GABRB1: variants seen among roughly 807,000 people sequenced by gnomAD.
GABRB1 encodes the protein gamma-aminobutyric acid receptor subunit beta-1.
GABRB1 carries 17 observed loss-of-function variants against 51.6 expected under a neutral mutation model. That is an observed-to-expected ratio of 0.33 (90% CI 0.23 to 0.49). The LOEUF (loss-of-function observed/expected upper bound fraction) is 0.49. Ranked by LOEUF, GABRB1 falls within the 20% of genes least tolerant of loss-of-function variation. GABRB1 has a pLI of 0.99. For missense variants in GABRB1, 410 were observed against 600.6 expected, an observed-to-expected ratio of 0.68 and a Z score of 3.32; for synonymous variants, 247 against 218.9, an observed-to-expected ratio of 1.13 and a Z score of -1.14.
intron 3 of GABRB1, among the ~76,000 whole-genome samples, chr4:47,112,659 C>T (rs1221322191): frequency 6.6e-6 from 1 of 152,022 alleles, no homozygotes; most frequent in Non-Finnish European, 1.5e-5. Context: ...GAGTTATGTA[C>T]CCAATATCCA....
chr4:47,082,579 T>A (rs1727894358), intron 3 of GABRB1, among the ~76,000 whole-genome samples: 1 of 152,048 alleles, frequency 6.6e-6, no homozygotes, highest in Non-Finnish European at 1.5e-5. Context: ...TGTCTGCCAT[T>A]TAGAGGAAAA....
chr4:47,051,077 G>A (rs1726329311), intron 3 of GABRB1, among the ~76,000 whole-genome samples: 1 of 152,122 alleles, frequency 6.6e-6, no homozygotes, highest in South Asian at 2.1e-4. Flanking sequence ...TCTTCCTCAG[G>A]AAGAGGGCAG....
At chr4:47,424,313 G>A (rs763024458) in intron 8 of GABRB1, among the ~76,000 whole-genome samples, 63 of 152,300 alleles carry the variant, frequency 4.1e-4, no homozygotes, top group African/African-American at 1.4e-3. Flanking sequence ...ATTGTTAACC[G>A]TTCTAAATCT....
intron 3 of GABRB1, among the ~76,000 whole-genome samples, chr4:47,076,523 G>A (rs1159500344): frequency 6.6e-6 from 1 of 152,072 alleles, no homozygotes; most frequent in Non-Finnish European, 1.5e-5. Context: ...TCATCCCAAA[G>A]CGGCTCTGAG....
chr4:47,144,575 C>T (rs1717073430), intron 3 of GABRB1, among the ~76,000 whole-genome samples: 1 of 151,850 alleles, frequency 6.6e-6, no homozygotes, highest in Non-Finnish European at 1.5e-5. Context: ...GTGTTAAGCT[C>T]TTTATTACAT....
intron 3 of GABRB1, among the ~76,000 whole-genome samples, chr4:47,137,730 T>A (rs35452427): frequency 4.9e-4 from 75 of 152,254 alleles, no homozygotes; most frequent in Non-Finnish European, 9.6e-4. Flanking sequence ...GACAAGAATT[T>A]AAGATATTTG....
chr4:47,019,625 C>CTCTTTCTT (rs1157555893), intron 1 of GABRB1, among the ~76,000 whole-genome samples: 7,573 of 90,986 alleles, frequency 0.083, 427 homozygotes, highest in Admixed American at 0.12. Flanking sequence ...TTCTTTCTCT[C>CTCTTTCTT]TCTTTCTTTC....
intron 4 of GABRB1, among the ~76,000 whole-genome samples, chr4:47,180,058 G>A (rs1245859216): frequency 6.6e-6 from 1 of 152,016 alleles, no homozygotes; most frequent in Non-Finnish European, 1.5e-5. Flanking sequence ...AAAAAATTAA[G>A]AGGATGTCAA....
At chr4:47,174,035 G>A (rs550540909) in intron 4 of GABRB1, among the ~76,000 whole-genome samples, 1 of 151,744 alleles carries the variant, frequency 6.6e-6, no homozygotes, top group Non-Finnish European at 1.5e-5. Flanking sequence ...CTGTTCAATT[G>A]TTCCCTTTTT....
At chr4:47,049,096 G>A (rs1459611345) in intron 3 of GABRB1, among the ~76,000 whole-genome samples, 1 of 151,612 alleles carries the variant, frequency 6.6e-6, no homozygotes, top group African/African-American at 2.4e-5. Context: ...CCAGAGGAGG[G>A]AGTTTTTCGG....
At chr4:47,298,074 A>G (rs1050190100) in intron 4 of GABRB1, among the ~76,000 whole-genome samples, 74 of 152,228 alleles carry the variant, frequency 4.9e-4, no homozygotes, top group African/African-American at 1.6e-3. Context: ...GAAATTAGGT[A>G]TTGATGGGAC....
intron 3 of GABRB1, among the ~76,000 whole-genome samples, chr4:47,052,901 G>T (rs915942506): frequency 6.6e-6 from 1 of 152,194 alleles, no homozygotes; most frequent in Non-Finnish European, 1.5e-5. Context: ...TTTAGTGCTT[G>T]CAGTTAATTC....
intron 3 of GABRB1, among the ~76,000 whole-genome samples, chr4:47,142,687 G>A (rs960948846): frequency 2.0e-5 from 3 of 151,908 alleles, no homozygotes; most frequent in African/African-American, 7.2e-5. Flanking sequence ...CAGTAAGAGT[G>A]AGGGGGATAC....
chr4:47,067,192 A>G (rs1390943703), intron 3 of GABRB1, among the ~76,000 whole-genome samples: 1 of 152,236 alleles, frequency 6.6e-6, no homozygotes, highest in African/African-American at 2.4e-5. Context: ...CTGTGCTGCA[A>G]ACAGACATGT....
At chr4:47,413,384 C>A (rs1728820656) in intron 8 of GABRB1, among the ~76,000 whole-genome samples, 1 of 152,148 alleles carries the variant, frequency 6.6e-6, no homozygotes. Context: ...TCTTCTAAAA[C>A]CAAAAGTCCA....
intron 1 of GABRB1, among the ~76,000 whole-genome samples, chr4:47,008,538 C>G (rs1242414409): frequency 6.6e-6 from 1 of 151,148 alleles, no homozygotes; most frequent in Non-Finnish European, 1.5e-5. Flanking sequence ...TCTTGGCTCA[C>G]TGCAACCTCT....
intron 5 of GABRB1, among the ~76,000 whole-genome samples, chr4:47,378,870 T>C (rs907850032): frequency 5.9e-5 from 9 of 152,174 alleles, no homozygotes; most frequent in Non-Finnish European, 1.2e-4. Flanking sequence ...AGGAGGTAGC[T>C]GAGGCTCAGG....
intron 3 of GABRB1, among the ~76,000 whole-genome samples, chr4:47,097,579 A>C (rs576802256): frequency 6.6e-6 from 1 of 152,284 alleles, no homozygotes; most frequent in Middle Eastern, 3.4e-3. Context: ...TTCTCTCTCC[A>C]TGAGAATGTA....
chr4:47,237,205 C>T (rs1056170704), intron 4 of GABRB1, among the ~76,000 whole-genome samples: 1 of 151,862 alleles, frequency 6.6e-6, no homozygotes. Flanking sequence ...ACTTGGAGTA[C>T]ATCAGATCTA....
Sources: allele counts gnomAD v4.1 joint callset (sites outside exome capture counted in the v4.1 genomes callset), GRCh38; gene constraint gnomAD v4.1.1; transcripts MANE v1.5; gene names NCBI Gene and HGNC (gene_info 2026-07-23, HGNC 2026-07-21).